Variants in BEST1 observed in about 807,000 individuals in gnomAD.
BEST1 encodes bestrophin 1.
BEST1 carries 58 observed loss-of-function variants against 63.3 expected under a neutral mutation model. The observed-to-expected ratio is 0.92, with a 90% CI of 0.74 to 1.14. BEST1 has a LOEUF of 1.14. Among genes scored for constraint, BEST1 ranks in the 50% most tolerant of loss-of-function variants. The pLI is 0.00. For synonymous variants in BEST1, 283 were observed against 291.6 expected, an observed-to-expected ratio of 0.97 and a Z score of 0.30; for missense variants, 671 against 740.1, an observed-to-expected ratio of 0.91 and a Z score of 1.08.
At chr11:61,953,432 G>A (rs768733400) in intron 2 of BEST1, among the ~76,000 whole-genome samples, 2 of 152,120 alleles carry the variant, frequency 1.3e-5, no homozygotes, top group Non-Finnish European at 2.9e-5. Context: ...TAAAAAATTG[G>A]CTAGGCCCTT....
Position 61,964,335 on chromosome 11 carries a change from C to G in BEST1, c.*213C>G. 1 of 947,454 alleles carries G rather than the reference C, an allele frequency of 1.1e-6. No individual in the cohort carries two copies. Among genetic ancestry groups the G allele is most frequent in the Admixed American group, 2.9e-5 (1 of 35,062 alleles). 58.7% of individuals were successfully genotyped at this position (947,454 alleles called of 1,614,324 possible). ...TAAAAACTGTGAAAGCTAGACTGAA[C>G]CATTGGAAACATTTAACTCAGACTC... is the stretch of plus-strand genomic sequence containing the variant. On this transcript the variant is annotated 3_prime_UTR_variant, in exon 11 of 11. Transcript: ENST00000378043.
At chr11:61,951,088 T>C (rs1940607319) in intron 1 of BEST1, among the ~76,000 whole-genome samples, 2 of 152,180 alleles carry the variant, frequency 1.3e-5, no homozygotes, top group African/African-American at 4.8e-5. Flanking sequence ...ACTAGGGTGG[T>C]TGAGAGAGCT....
At chr11:61,958,050 C>T in intron 6 of BEST1, 96 bp from the exon 7 acceptor site, 1 of 1,595,134 alleles carries the variant, frequency 6.3e-7, no homozygotes, top group Non-Finnish European at 8.5e-7. Context: ...CAGAACAAGG[C>T]CTTGGTCTCC....
intron 4 of BEST1, 134 bp from the exon 5 acceptor site, chr11:61,956,710 G>A: frequency 9.7e-7 from 1 of 1,036,058 alleles, no homozygotes; most frequent in South Asian, 1.3e-5. Context: ...GCACCTAGTA[G>A]GTGCTCAGAA....
chr11:61,952,019 C>G lies in BEST1; in HGVS notation c.152+61C>G, dbSNP rs1940728464. On this transcript the variant is annotated intron_variant, in intron 2 of 10. Coordinates refer to ENST00000378043, the MANE Select transcript of BEST1 (RefSeq NM_004183.4). Reference sequence around the variant, plus strand: ...AGGATGTGGCTGGGGCTGGGAGCTCCTGGGGGCCTCCCAGCCAGCTCAGGG... The same window carrying G: ...AGGATGTGGCTGGGGCTGGGAGCTCGTGGGGGCCTCCCAGCCAGCTCAGGG... 9 of 1,585,662 alleles carry G rather than the reference C, an allele frequency of 5.7e-6. No homozygotes were observed. The South Asian group carries it at 1.0e-4, about 18-fold the overall frequency.
At chr11:61,958,400 A>C (rs1297189375) in intron 7 of BEST1, 102 bp downstream of exon 7, 23 of 1,587,974 alleles carry the variant, frequency 1.4e-5, no homozygotes, top group Non-Finnish European at 2.0e-5. Flanking sequence ...GGAAGGTCTC[A>C]CGGGTAGAAA....
intron 2 of BEST1, among the ~76,000 whole-genome samples, chr11:61,953,164 T>C (rs1407384239): frequency 6.6e-6 from 1 of 152,190 alleles, no homozygotes; most frequent in Non-Finnish European, 1.5e-5. Context: ...GCATTTTAAA[T>C]TGAAAAAGCA....
intron 4 of BEST1, 82 bp downstream of exon 4, chr11:61,956,033 A>G (rs980738757): frequency 3.5e-4 from 470 of 1,351,786 alleles, no homozygotes; most frequent in Non-Finnish European, 4.6e-4. Context: ...AGATGGGTGG[A>G]GCCAAAGTCC....
In BEST1 at chr11:61,962,726, G is replaced by A. The variant is rs1278023846; in HGVS notation, c.1572G>A (p.Met524Ile). ...ELLSESDGAL[M>I]EHPEVSQVRR... ...TCTCAGAGAGCGATGGGGCCTTGAT[G>A]GAGCACCCAGAAGTATCTCAAGTGA... The change falls in exon 10 of 11, where the codon ATG (methionine) becomes ATA (isoleucine). Residue 524 changes from methionine to isoleucine, a missense_variant. Transcript: ENST00000378043. 7 of 1,614,206 alleles carry A rather than the reference G, an allele frequency of 4.3e-6. No individual in the cohort carries two copies. The highest frequency in any genetic ancestry group is 5.9e-6 in the Non-Finnish European group (7 of 1,180,042).
At chr11:61,955,386 A>C (rs2134427510) in intron 3 of BEST1, 185 bp downstream of exon 3, 1 of 1,462,086 alleles carries the variant, frequency 6.8e-7, no homozygotes, top group East Asian at 2.5e-5. Flanking sequence ...GTTAGACGTT[A>C]GGTAAGACGT....
intron 6 of BEST1, 66 bp downstream of exon 6, chr11:61,957,530 TG>T: frequency 6.6e-7 from 1 of 1,522,026 alleles, no homozygotes; most frequent in Non-Finnish European, 9.1e-7. Context: ...AGGAAGCAGC[TG>T]GGGTGGGAAG....
At chr11:61,955,304 G>T in intron 3 of BEST1, 103 bp downstream of exon 3, 1 of 1,580,732 alleles carries the variant, frequency 6.3e-7, no homozygotes, top group Non-Finnish European at 8.6e-7. Context: ...TGGGGAGGGG[G>T]CGGGGGAACG....
intron 9 of BEST1, 94 bp from the exon 10 acceptor site, chr11:61,962,161 A>G: frequency 7.1e-7 from 1 of 1,417,624 alleles, no homozygotes; most frequent in Non-Finnish European, 9.9e-7. Flanking sequence ...GGCTTGGGCC[A>G]ACTGAGAGAG....
chr11:61,954,765 G>A lies in BEST1; in HGVS notation c.153-342G>A, dbSNP rs539712680. 7 of 982,448 alleles carry A rather than the reference G, an allele frequency of 7.1e-6. No homozygotes were observed. The South Asian group carries it at 3.3e-4, about 46-fold the overall frequency. The allele number at this position is 982,448 out of a possible 1,614,324, so 60.9% of individuals were successfully genotyped here. A position where few individuals can be genotyped will look rare whatever the true frequency, so the allele number is the denominator to read the frequency against. Reference sequence around the variant, plus strand: ...GTGCCCGTCCCAAACACTCTGTTTCGACCTGCTTTTAAACAACTGACCCTT... The same window carrying A: ...GTGCCCGTCCCAAACACTCTGTTTCAACCTGCTTTTAAACAACTGACCCTT... On this transcript the variant is annotated intron_variant, in intron 2 of 10. Coordinates refer to ENST00000378043, the MANE Select transcript of BEST1 (RefSeq NM_004183.4).
intron 10 of BEST1, 134 bp downstream of exon 10, chr11:61,963,027 G>A: frequency 1.3e-6 from 2 of 1,563,820 alleles, no homozygotes; most frequent in Non-Finnish European, 1.7e-6. Context: ...CCTACGCCCA[G>A]CACTGGCTTG....
At position 61,951,964 on chromosome 11, in the gene BEST1, G is replaced by T. The variant is rs764420497; in HGVS notation, c.152+6G>T. 58 of 1,613,232 alleles carry T rather than the reference G, an allele frequency of 3.6e-5. No homozygotes were observed. The highest frequency in any genetic ancestry group is 2.0e-4 in the Admixed American group (12 of 59,998). On this transcript the variant is annotated splice_donor_region_variant and intron_variant, in intron 2 of 10. Coordinates refer to ENST00000378043, the MANE Select transcript of BEST1 (RefSeq NM_004183.4). ...ATCATCCGCTTTATTTATAGGTAAAGCTGGCAGGGCTGGGCCGGGGGGCCT... is the reference window on the plus strand; with the variant it reads ...ATCATCCGCTTTATTTATAGGTAAATCTGGCAGGGCTGGGCCGGGGGGCCT...
chr11:61,953,928 C>G (rs777670850), intron 2 of BEST1, among the ~76,000 whole-genome samples: 2 of 150,222 alleles, frequency 1.3e-5, no homozygotes, highest in Non-Finnish European at 1.5e-5. Flanking sequence ...AACCAATAAA[C>G]CAAAAACATT....
chr11:61,963,360 C>T (rs531558293), intron 10 of BEST1: 9 of 1,279,292 alleles, frequency 7.0e-6, no homozygotes, highest in South Asian at 3.1e-5. Context: ...GTGGCAGGAA[C>T]TGCCTCACTC....
intron 4 of BEST1, 27 bp downstream of exon 4, chr11:61,955,978 G>A (rs1941293721): frequency 1.9e-6 from 3 of 1,538,576 alleles, no homozygotes; most frequent in Non-Finnish European, 2.6e-6. Context: ...CAACGGGGAG[G>A]CACCGGGCAG....
Sources: allele counts gnomAD v4.1 joint callset (sites outside exome capture counted in the v4.1 genomes callset), GRCh38; gene constraint gnomAD v4.1.1; transcripts MANE v1.5; gene names NCBI Gene and HGNC (gene_info 2026-07-23, HGNC 2026-07-21).